The following LPA variants were observed in gnomAD, a reference collection of about 807,000 sequenced individuals.
The protein encoded by LPA is lipoprotein(a).
Under a neutral mutation model 197.9 loss-of-function variants are expected in LPA, and 199 were observed. That is an observed-to-expected ratio of 1.01 (90% confidence interval 0.90 to 1.13). The LOEUF (loss-of-function observed/expected upper bound fraction) is 1.13. Ranked by LOEUF, LPA falls within the 50% of genes most tolerant of loss-of-function variation. The pLI, the probability that LPA is intolerant of heterozygous loss-of-function variation, is 0.00. For synonymous variants in LPA, 715 were observed against 639.5 expected, an observed-to-expected ratio of 1.12 and a Z score of -1.78; for missense variants, 1,853 against 1,785.8, an observed-to-expected ratio of 1.04 and a Z score of -0.68.
At chr6:160,549,664 A>G (rs572070559) in intron 30 of LPA, among the ~76,000 whole-genome samples, 43 of 152,302 alleles carry the variant, frequency 2.8e-4, no homozygotes, top group Admixed American at 2.4e-3. Context: ...GGGTCAAGTG[A>G]GTTTGAGTCT....
At position 160,548,521 on chromosome 6, in the gene LPA, C is replaced by T. The variant is rs770035632; in HGVS notation, c.5112G>A (p.Pro1704=). 1.6e-5 allele frequency: 26 copies of T among 1,613,888 alleles called. No individual in the cohort carries two copies. Among genetic ancestry groups the T allele is most frequent in the Middle Eastern group, 1.7e-4 (1 of 6,028 alleles). Residue 1704 remains proline (P), a synonymous_variant, in exon 31 of 39, where the codon CCG becomes CCA. Transcript: ENST00000316300. Reference sequence around the variant, plus strand: ...CTAGGCTTGGAACCTGGATGACAGTCGGAGGAGCGACCACAGTCCCTTCTG... The same window carrying T: ...CTAGGCTTGGAACCTGGATGACAGTTGGAGGAGCGACCACAGTCCCTTCTG... ...SDTEGTVVAP[P]TVIQVPSLGP... is the part of the protein sequence containing the mutation.
chr6:160,584,200 C>A (rs1453771065), intron 26 of LPA, among the ~76,000 whole-genome samples: 1 of 116,442 alleles, frequency 8.6e-6, no homozygotes, highest in African/African-American at 3.3e-5. Context: ...TCTTCTTCTT[C>A]TTCTTCTTCT....
At chr6:160,653,273 A>T (rs1202071002) in intron 1 of LPA, among the ~76,000 whole-genome samples, 1 of 152,176 alleles carries the variant, frequency 6.6e-6, no homozygotes, top group Non-Finnish European at 1.5e-5. Context: ...TTCAAAATAT[A>T]TAAAACAGAG....
At chr6:160,663,734 G>A (rs1780263526) in intron 1 of LPA, among the ~76,000 whole-genome samples, 1 of 152,184 alleles carries the variant, frequency 6.6e-6, no homozygotes, top group South Asian at 2.1e-4. Flanking sequence ...CCATGAACAG[G>A]TCAAGGAACC....
intron 26 of LPA, among the ~76,000 whole-genome samples, chr6:160,582,994 A>C (rs1778829050): frequency 6.6e-6 from 1 of 151,966 alleles, no homozygotes; most frequent in South Asian, 2.1e-4. Context: ...TTTCTCATTA[A>C]AGAGATGTCT....
chr6:160,608,291 G>A (rs1435041576), intron 16 of LPA, among the ~76,000 whole-genome samples: 1 of 152,014 alleles, frequency 6.6e-6, no homozygotes. Flanking sequence ...CGGTTTCTTT[G>A]TTTGGGGCAG....
intron 1 of LPA, among the ~76,000 whole-genome samples, chr6:160,654,006 TATATATTATATATA>T (rs1780066718): frequency 1.9e-3 from 11 of 5,742 alleles, no homozygotes; most frequent in African/African-American, 7.3e-3. Flanking sequence ...TTATATATAA[TATATATTATATATA>T]ATATATAATA....
Position 160,585,175 on chromosome 6 carries a change from T to G in LPA, c.4160A>C (p.Asp1387Ala). ...ACTCTGTCCATCACCTCGGTAGCAG[T>G]CCTGGACCCCAGTGCTGTTTTCAGT... ...APTENSTGVQ[D>A]CYRGDGQSYR... is the part of the protein sequence containing the mutation. The change falls in exon 26 of 39, where the codon GAC (aspartate) becomes GCC (alanine). Residue 1387 changes from aspartate to alanine, a missense_variant. Transcript: ENST00000316300. 1 of 1,613,632 alleles carries G rather than the reference T, an allele frequency of 6.2e-7. No individual in the cohort carries two copies.
At chr6:160,584,213 T>TTCTTCC (rs1778855125) in intron 26 of LPA, among the ~76,000 whole-genome samples, 2 of 123,812 alleles carry the variant, frequency 1.6e-5, no homozygotes, top group African/African-American at 6.3e-5. Flanking sequence ...CTTCTTCTTC[T>TTCTTCC]TCTTCTTCTT....
At chr6:160,647,149 A>C (rs1055759203) in intron 2 of LPA, among the ~76,000 whole-genome samples, 4 of 152,160 alleles carry the variant, frequency 2.6e-5, no homozygotes, top group African/African-American at 9.7e-5. Context: ...TGCTGTCCAC[A>C]GCCACTCCAG....
chr6:160,555,294 AGTGTGTGT>A (rs10552460), intron 30 of LPA, among the ~76,000 whole-genome samples: 6 of 133,872 alleles, frequency 4.5e-5, no homozygotes, highest in African/African-American at 1.7e-4. Context: ...ATTATATGTT[AGTGTGTGT>A]GTGTGTGTGT....
At position 160,577,128 on chromosome 6, in the gene LPA, A is replaced by G. The variant is rs1279874990; in HGVS notation, c.4631+8T>C. 1 of 1,612,968 alleles carries G rather than the reference A, an allele frequency of 6.2e-7. No homozygotes were observed. Among genetic ancestry groups the G allele is most frequent in the African/African-American group, 1.3e-5 (1 of 74,868 alleles). ...TTGCTCCTCTTATGGTTTTAATCAAATACATACGCATTTGGGTAGTTTTCT... is the reference window on the plus strand; with the variant it reads ...TTGCTCCTCTTATGGTTTTAATCAAGTACATACGCATTTGGGTAGTTTTCT... On this transcript the variant is annotated splice_region_variant and intron_variant, in intron 28 of 38. Coordinates refer to ENST00000316300, the MANE Select transcript of LPA (RefSeq NM_005577.4).
intron 1 of LPA, among the ~76,000 whole-genome samples, chr6:160,651,065 C>G (rs1159753116): frequency 6.6e-6 from 1 of 152,022 alleles, no homozygotes; most frequent in East Asian, 1.9e-4. Flanking sequence ...TTTCTTGTGC[C>G]CAGCATCCTG....
chr6:160,539,338 G>C (rs112801858), intron 36 of LPA, among the ~76,000 whole-genome samples: 2 of 152,072 alleles, frequency 1.3e-5, no homozygotes, highest in African/African-American at 4.8e-5. Context: ...GTAAGCAAAG[G>C]TATCACTTTG....
chr6:160,637,570 T>C (rs1270503364), intron 6 of LPA, among the ~76,000 whole-genome samples: 7 of 112,902 alleles, frequency 6.2e-5, no homozygotes, highest in African/African-American at 2.1e-4. Context: ...TGTGTGTGTG[T>C]AGCTCATTCT....
In LPA at chr6:160,657,755, G is replaced by A. The variant is rs147160938; in HGVS notation, c.49+6411C>T. ...ACATTAAATGCAGAATCCCTACTTA[G>A]TAGGGCCAAACCAATAAATTCAGCT... On this transcript the variant is annotated intron_variant, in intron 1 of 38. Transcript: ENST00000316300. Among the ~76,000 whole-genome samples the A allele has an allele frequency of 2.8e-4, 43 of 152,246 alleles. 2 individuals carry two copies. The East Asian group carries it at 7.9e-3, about 28-fold the overall frequency.
chr6:160,605,094 G>C lies in LPA; in HGVS notation c.2897C>G (p.Ser966Cys), dbSNP rs1365499379. The C allele has an allele frequency of 6.2e-7, 1 of 1,613,910 alleles. No homozygotes were observed. The highest frequency in any genetic ancestry group is 8.5e-7 in the Non-Finnish European group (1 of 1,179,818). ...CCGACTATGCGAGTGTGGTGTCATA[G>C]ATGACCAAGCTTGGCAGGTTCTTCC... ...VTGRTCQAWS[S>C]MTPHSHSRTP... Residue 966 changes from serine (S) to cysteine (C), a missense_variant, in exon 18 of 39, where the codon TCT (serine) becomes TGT (cysteine). Around this residue, in one of 3 missense-constraint regions of LPA, gnomAD observed 1,737 missense variants for 1,504.4 expected, o/e 1.15. Transcript: ENST00000316300.
chr6:160,653,596 C>T (rs1780044328), intron 1 of LPA, among the ~76,000 whole-genome samples: 1 of 151,718 alleles, frequency 6.6e-6, no homozygotes. Context: ...GTATACCAGT[C>T]ATATAAAGAA....
At chr6:160,563,610 C>A (rs2115017528) in intron 28 of LPA, among the ~76,000 whole-genome samples, 1 of 152,288 alleles carries the variant, frequency 6.6e-6, no homozygotes, top group Non-Finnish European at 1.5e-5. Flanking sequence ...GAATTCACGT[C>A]CTGAATATCC....
Sources: allele counts gnomAD v4.1 joint callset (sites outside exome capture counted in the v4.1 genomes callset), GRCh38; gene constraint gnomAD v4.1.1; regional missense constraint gnomAD v4.1.1; transcripts MANE v1.5; gene names NCBI Gene and HGNC (gene_info 2026-07-23, HGNC 2026-07-21).